ANK3: variants seen among roughly 807,000 people sequenced by gnomAD.
The protein encoded by ANK3 is ankyrin-3.
ANK3 carries 57 observed loss-of-function variants against 370.9 expected under a neutral mutation model. That is an observed-to-expected ratio of 0.15 (90% CI 0.12 to 0.19). The LOEUF is 0.19. Among genes scored for constraint, ANK3 ranks in the 10% least tolerant of loss-of-function variants. The pLI is 1.00. For synonymous variants in ANK3, 1,929 were observed against 1,946.3 expected, an observed-to-expected ratio of 0.99 and a Z score of 0.23; for missense variants, 4,439 against 5,302.1, an observed-to-expected ratio of 0.84 and a Z score of 5.06.
intron 2 of ANK3, among the ~76,000 whole-genome samples, chr10:60,452,488 A>G (rs548031746): frequency 6.6e-6 from 1 of 152,306 alleles, no homozygotes; most frequent in African/African-American, 2.4e-5. Flanking sequence ...TCTTCAGTGA[A>G]CTAAAGAGGA....
chr10:60,095,661 C>T (rs969715577), intron 28 of ANK3, among the ~76,000 whole-genome samples: 1 of 152,120 alleles, frequency 6.6e-6, no homozygotes, highest in Non-Finnish European at 1.5e-5. Context: ...GGATTACAGG[C>T]GTGAGCCGCT....
Position 60,278,675 on chromosome 10 carries a change from C to T in ANK3, c.414+99G>A, listed in dbSNP as rs2098122882. 4 of 936,472 alleles carry T rather than the reference C, an allele frequency of 4.3e-6. No homozygotes were observed. In the South Asian group the frequency reaches 5.7e-5, roughly 13 times the overall value. 58.0% of individuals were successfully genotyped at this position (936,472 alleles called of 1,614,324 possible). A position where few individuals can be genotyped will look rare whatever the true frequency, so the allele number is the denominator to read the frequency against. Reference sequence around the variant, plus strand: ...TTTTTAAATATAGTTCTTAAGTATTCTGTTCTTAGAGGATATGTGAACTAA... The same window carrying T: ...TTTTTAAATATAGTTCTTAAGTATTTTGTTCTTAGAGGATATGTGAACTAA... On this transcript the variant is annotated intron_variant, in intron 4 of 43. Coordinates refer to ENST00000280772, the MANE Select transcript of ANK3 (RefSeq NM_020987.5).
chr10:60,682,065 T>C (rs2079203126), intron 1 of ANK3, among the ~76,000 whole-genome samples: 1 of 152,158 alleles, frequency 6.6e-6, no homozygotes, highest in South Asian at 2.1e-4. Context: ...GAGGACTGCT[T>C]GAGCCCAGAA....
intron 18 of ANK3, among the ~76,000 whole-genome samples, chr10:60,178,557 A>C (rs2096048190): frequency 6.6e-6 from 1 of 152,216 alleles, no homozygotes; most frequent in Admixed American, 6.5e-5. Context: ...TGTTATTATA[A>C]TACTATGAGT....
At chr10:60,715,117 T>G (rs528154804) in intron 1 of ANK3, among the ~76,000 whole-genome samples, 1 of 135,780 alleles carries the variant, frequency 7.4e-6, no homozygotes, top group East Asian at 2.3e-4. Context: ...CTACATTTTC[T>G]ACTCCATTTT....
At chr10:60,059,312 C>G (rs2131927881) in intron 41 of ANK3, 28 bp downstream of exon 41, 1 of 1,571,936 alleles carries the variant, frequency 6.4e-7, no homozygotes, top group Non-Finnish European at 8.8e-7. Context: ...AACCTGTGTT[C>G]ACTTTCCTTT....
intron 1 of ANK3, among the ~76,000 whole-genome samples, chr10:60,631,526 A>C (rs1407586030): frequency 6.6e-6 from 1 of 152,068 alleles, no homozygotes; most frequent in Non-Finnish European, 1.5e-5. Context: ...GTGATACTCC[A>C]TCTCAAAAAA....
intron 43 of ANK3, 77 bp from the exon 44 acceptor site, chr10:60,029,903 TTTAA>T (rs1193584490): frequency 9.8e-6 from 1 of 102,292 alleles, no homozygotes; most frequent in Non-Finnish European, 2.2e-5. Context: ...TTTTTTTTTT[TTTAA>T]GACAACTAGT....
In ANK3 at chr10:60,071,077, A is replaced by G; in HGVS notation, c.9804T>C (p.Asp3268=). 2 of 1,614,126 alleles carry G rather than the reference A, an allele frequency of 1.2e-6. No individual in the cohort carries two copies. The highest frequency in any genetic ancestry group is 2.2e-5 in the East Asian group (1 of 44,876). ...TTTCTGGGAGATAATGATGCTTCTT[A>G]TCTGACTCAATCTGGTCCGCATCCA... ...PPLDADQIES[D]KKHHYLPEKE... Residue 3268 remains aspartate, a synonymous_variant, in exon 37 of 44, where the codon GAT becomes GAC. Transcript: ENST00000280772.
intron 1 of ANK3, among the ~76,000 whole-genome samples, chr10:60,347,890 T>C (rs1219077993): frequency 1.3e-5 from 2 of 152,128 alleles, no homozygotes; most frequent in African/African-American, 4.8e-5. Context: ...ACCACTGCCT[T>C]AAACTCTCAA....
intron 1 of ANK3, among the ~76,000 whole-genome samples, chr10:60,387,960 C>T (rs2062645778): frequency 6.6e-6 from 1 of 152,070 alleles, no homozygotes; most frequent in Non-Finnish European, 1.5e-5. Flanking sequence ...TGTACCTTTT[C>T]CATCTTTCTT....
intron 1 of ANK3, among the ~76,000 whole-genome samples, chr10:60,618,512 C>T (rs1050679287): frequency 1.1e-4 from 16 of 152,052 alleles, no homozygotes; most frequent in Admixed American, 2.6e-4. Context: ...ATAGCTTTGG[C>T]CACTGGAGGT....
chr10:60,413,873 T>C (rs1209970774), intron 2 of ANK3, among the ~76,000 whole-genome samples: 1 of 152,088 alleles, frequency 6.6e-6, no homozygotes, highest in African/African-American at 2.4e-5. Flanking sequence ...GGTGCTTGTT[T>C]GCAGTCCCAG....
chr10:60,053,581 G>A (rs1386799182), intron 42 of ANK3: 3 of 958,790 alleles, frequency 3.1e-6, no homozygotes, highest in Non-Finnish European at 4.2e-6. Context: ...TCTAGGAATT[G>A]GTAAAGGGGA....
At chr10:60,116,419 C>T (rs913567154) in intron 25 of ANK3, among the ~76,000 whole-genome samples, 2 of 151,884 alleles carry the variant, frequency 1.3e-5, no homozygotes, top group African/African-American at 4.8e-5. Context: ...GACAGCTGAC[C>T]GTCACTAGAC....
At chr10:60,344,721 CA>C (rs2055030956) in intron 1 of ANK3, among the ~76,000 whole-genome samples, 1 of 152,108 alleles carries the variant, frequency 6.6e-6, no homozygotes, top group Admixed American at 6.5e-5. Flanking sequence ...TTAGAATATA[CA>C]ACATTGAAAA....
At chr10:60,193,486 T>A (rs146042526) in intron 16 of ANK3, among the ~76,000 whole-genome samples, 283 of 143,884 alleles carry the variant, frequency 2.0e-3, no homozygotes, top group African/African-American at 7.2e-3. Context: ...AGAAACCCCA[T>A]CTCTACTAAA....
intron 16 of ANK3, among the ~76,000 whole-genome samples, chr10:60,194,799 A>G (rs142767341): frequency 1.3e-5 from 2 of 152,354 alleles, no homozygotes; most frequent in East Asian, 3.9e-4. Flanking sequence ...GGGGAAAGCT[A>G]CATTTAGATT....
chr10:60,173,759 C>T (rs932909346), intron 18 of ANK3, among the ~76,000 whole-genome samples: 5 of 152,118 alleles, frequency 3.3e-5, no homozygotes, highest in African/African-American at 1.2e-4. Flanking sequence ...GCCTTCCTAC[C>T]TAGAGTCCCA....
Sources: allele counts gnomAD v4.1 joint callset (sites outside exome capture counted in the v4.1 genomes callset), GRCh38; gene constraint gnomAD v4.1.1; transcripts MANE v1.5; gene names NCBI Gene and HGNC (gene_info 2026-07-23, HGNC 2026-07-21).